PLEKHA8: variants seen among roughly 807,000 people sequenced by gnomAD.
PLEKHA8 encodes pleckstrin homology domain-containing family A member 8.
A neutral mutation model predicts 68.2 loss-of-function variants in PLEKHA8; 36 were observed. The ratio of observed to expected loss-of-function variants is 0.53; its 90% CI spans 0.40 to 0.70. The LOEUF (loss-of-function observed/expected upper bound fraction) is 0.70, where lower values mean the gene tolerates loss of function less well. Among genes scored for constraint, PLEKHA8 ranks in the 30% least tolerant of loss-of-function variants. The pLI, the probability that PLEKHA8 is intolerant of heterozygous loss-of-function variation, is 0.00. For missense variants in PLEKHA8, 505 were observed against 615.4 expected, an observed-to-expected ratio of 0.82 and a Z score of 1.90; for synonymous variants, 211 against 216.1, an observed-to-expected ratio of 0.98 and a Z score of 0.20.
intron 13 of PLEKHA8, among the ~76,000 whole-genome samples, chr7:30,114,450 T>A (rs994888114): frequency 6.6e-6 from 1 of 152,276 alleles, no homozygotes; most frequent in Non-Finnish European, 1.5e-5. Flanking sequence ...CTTCAGTTTC[T>A]GCGCTCTTAG....
In PLEKHA8 at chr7:30,084,446, A is replaced by G. The variant is rs1003758733; in HGVS notation, c.*5659A>G. On this transcript the variant is annotated 3_prime_UTR_variant, in exon 14 of 14. Coordinates refer to ENST00000449726, the MANE Select transcript of PLEKHA8 (RefSeq NM_001197026.2). ...TTCTTAATTTAATGGACCTTTACTT[A>G]GAATATAATATGTTGGAGCCTCTTG... 2.0e-6 allele frequency: 2 copies of G among 985,312 alleles called. No homozygotes were observed. The highest frequency in any genetic ancestry group is 1.7e-5 in the African/African-American group (1 of 57,336). 61.0% of individuals were successfully genotyped at this position (985,312 alleles called of 1,614,324 possible).
chr7:30,056,399 C>CAT (rs1211958137), intron 9 of PLEKHA8, among the ~76,000 whole-genome samples: 1 of 129,230 alleles, frequency 7.7e-6, no homozygotes, highest in African/African-American at 2.9e-5. Context: ...ATATATAACA[C>CAT]ATATATATAA....
chr7:30,082,657 T>C lies in PLEKHA8; in HGVS notation c.*3870T>C. The C allele has an allele frequency of 8.1e-6, 8 of 983,978 alleles. No individual in the cohort carries two copies. Among genetic ancestry groups the C allele is most frequent in the Non-Finnish European group, 9.7e-6 (8 of 828,608 alleles). The allele number at this position is 983,978 out of a possible 1,614,324, so 61.0% of individuals were successfully genotyped here. On this transcript the variant is annotated 3_prime_UTR_variant, in exon 14 of 14. Coordinates refer to ENST00000449726, the MANE Select transcript of PLEKHA8 (RefSeq NM_001197026.2). ...ACTTTATATTTTCAGAAAAGTGTTT[T>C]TAATTAAAAATATGTGATAGGGACC...
intron 13 of PLEKHA8, among the ~76,000 whole-genome samples, chr7:30,115,491 GACA>G (rs1562557011): frequency 1.3e-5 from 2 of 150,874 alleles, no homozygotes; most frequent in Non-Finnish European, 3.0e-5. Flanking sequence ...CGTGTATGTA[GACA>G]TATGTATACA....
chr7:30,084,949 CT>C (rs5883231), downstream of PLEKHA8, among the ~76,000 whole-genome samples: 34,791 of 141,474 alleles, frequency 0.25, 4,200 homozygotes, highest in African/African-American at 0.32. Context: ...TTTTTCTTTT[CT>C]TTTTTTTTTT....
intron 13 of PLEKHA8, among the ~76,000 whole-genome samples, chr7:30,118,886 C>G (rs181259825): frequency 6.6e-6 from 1 of 152,374 alleles, no homozygotes; most frequent in East Asian, 1.9e-4. Flanking sequence ...GCATCAATGC[C>G]TAAGTTACGT....
intron 12 of PLEKHA8, chr7:30,090,104 T>G: frequency 6.6e-7 from 1 of 1,513,332 alleles, no homozygotes; most frequent in Non-Finnish European, 8.8e-7. Context: ...AGATTTTTCC[T>G]GAAATGAAGG....
At chr7:30,074,036 A>G (rs1187537859) in intron 12 of PLEKHA8, 35 bp from the exon 13 acceptor site, 7 of 1,559,312 alleles carry the variant, frequency 4.5e-6, no homozygotes, top group African/African-American at 2.8e-5. Flanking sequence ...AATTCTGATG[A>G]AAGTGTTCCT....
At chr7:30,050,384 T>C (rs777010475) in intron 5 of PLEKHA8, 50 bp from the exon 6 acceptor site, 2 of 1,535,796 alleles carry the variant, frequency 1.3e-6, no homozygotes, top group Non-Finnish European at 1.7e-6. Context: ...ATAAATATGC[T>C]CTGTTCAAAG....
In PLEKHA8 at chr7:30,080,064, T is replaced by C; in HGVS notation, c.*1277T>C. ...TCGGGGACCATGACTCTGAATCTGC[T>C]TACCAATCAATCTCGGTTTAATCAC... On this transcript the variant is annotated 3_prime_UTR_variant, in exon 14 of 14. Transcript: ENST00000449726. 2 of 985,388 alleles carry C rather than the reference T, an allele frequency of 2.0e-6. No homozygotes were observed. The highest frequency in any genetic ancestry group is 2.4e-6 in the Non-Finnish European group (2 of 829,924). 61.0% of individuals were successfully genotyped at this position (985,388 alleles called of 1,614,324 possible).
At chr7:30,029,474 C>T (rs150269588) in intron 1 of PLEKHA8, among the ~76,000 whole-genome samples, 282 of 152,252 alleles carry the variant, frequency 1.9e-3, no homozygotes, top group South Asian at 3.3e-3. Context: ...AAATAGTCCC[C>T]GCCCTTTTTT....
chr7:30,116,045 C>T (rs1228211642), intron 13 of PLEKHA8: 3 of 147,910 alleles, frequency 2.0e-5, no homozygotes, highest in Admixed American at 6.6e-5. Context: ...TGTGCGCATA[C>T]GCATACATAC....
chr7:30,115,624 A>T (rs1426695059), intron 13 of PLEKHA8, among the ~76,000 whole-genome samples: 1 of 150,844 alleles, frequency 6.6e-6, no homozygotes, highest in Non-Finnish European at 1.5e-5. Context: ...ATGCACACAT[A>T]CATGTACACA....
intron 3 of PLEKHA8, among the ~76,000 whole-genome samples, chr7:30,047,121 C>T (rs1317326731): frequency 6.6e-6 from 1 of 152,142 alleles, no homozygotes; most frequent in Non-Finnish European, 1.5e-5. Flanking sequence ...TAACTCTTCA[C>T]GTAGATTCAT....
intron 13 of PLEKHA8, among the ~76,000 whole-genome samples, chr7:30,097,690 G>A (rs1419629779): frequency 6.6e-6 from 1 of 152,094 alleles, no homozygotes; most frequent in Non-Finnish European, 1.5e-5. Context: ...GGTCCTTTAA[G>A]GACTTCTCTG....
At chr7:30,108,023 C>T (rs1405018115) in intron 13 of PLEKHA8, among the ~76,000 whole-genome samples, 1 of 141,312 alleles carries the variant, frequency 7.1e-6, no homozygotes, top group Non-Finnish European at 1.5e-5. Context: ...GAGCAGAGAT[C>T]GCGCTATTGC....
chr7:30,100,116 A>G (rs1795794903), intron 13 of PLEKHA8, among the ~76,000 whole-genome samples: 1 of 152,020 alleles, frequency 6.6e-6, no homozygotes, highest in South Asian at 2.1e-4. Context: ...TGTGTCTCCA[A>G]ATCTCTCTCT....
Position 30,046,729 on chromosome 7 carries a change from A to G in PLEKHA8, c.313+364A>G, listed in dbSNP as rs185648076. On this transcript the variant is annotated intron_variant, in intron 3 of 13. Transcript: ENST00000449726. The stretch of plus-strand genomic sequence containing the variant: ...GATTACCATGAGAATTAGTGATGAT[A>G]AAATGGTGGAGTATCCAGTCTGTGG... Among the ~76,000 whole-genome samples the G allele has an allele frequency of 1.8e-3, 267 of 152,326 alleles. 1 individual carries two copies. Among genetic ancestry groups the G allele is most frequent in the African/African-American group, 6.0e-3 (250 of 41,582 alleles).
In PLEKHA8 at chr7:30,115,543, CAT is replaced by C. The variant is rs1245616240; in HGVS notation, c.1363-13722_1363-13721del. On this transcript the variant is annotated intron_variant, in intron 13 of 13. Coordinates refer to the PLEKHA8 transcript ENST00000396257. ...ACGTATACATGTAGACATATGTACACATGCACGTATACATGTAGACATATGTA... is the reference window on the plus strand; with the variant it reads ...ACGTATACATGTAGACATATGTACACGCACGTATACATGTAGACATATGTA... 1.4e-4 allele frequency among the ~76,000 whole-genome samples: 7 copies of C among 50,402 alleles called. No individual in the cohort carries two copies. The East Asian group carries it at 0.028, about 205-fold the overall frequency. The allele number at this position is 50,402 out of a possible 152,430, so 33.1% of individuals were successfully genotyped here. A position where few individuals can be genotyped will look rare whatever the true frequency, so the allele number is the denominator to read the frequency against.
Sources: gnomAD v4.1 joint callset for allele counts (sites outside exome capture counted in the v4.1 genomes callset) on GRCh38, gnomAD v4.1.1 for gene constraint, MANE v1.5 for transcripts, NCBI Gene and HGNC (gene_info 2026-07-23, HGNC 2026-07-21) for gene names.